Variants in FAM110B observed in about 807,000 individuals in gnomAD.
FAM110B encodes protein FAM110B.
In FAM110B, 6 loss-of-function variants were observed where a neutral mutation model predicts 20.4. That is an observed-to-expected ratio of 0.29 (90% confidence interval 0.16 to 0.58). The LOEUF is 0.58. Among genes scored for constraint, FAM110B ranks in the 20% least tolerant of loss-of-function variants. The probability of loss-of-function intolerance (pLI) is 0.90; values close to 1 mark genes in which losing one functional copy is unlikely to be tolerated. For missense variants in FAM110B, 434 were observed against 498.2 expected (o/e 0.87, Z 1.23); for synonymous variants, 226 against 214.1 (o/e 1.06, Z -0.49).
chr8:58,066,111 G>T (rs565734524), intron 2 of FAM110B, among the ~76,000 whole-genome samples: 2 of 152,056 alleles, frequency 1.3e-5, no homozygotes, highest in African/African-American at 4.8e-5. Context: ...GTAGTACCCC[G>T]CCCCCTTCAC....
At chr8:57,995,185 A>C (rs1246770230) in intron 1 of FAM110B, among the ~76,000 whole-genome samples, 1 of 152,046 alleles carries the variant, frequency 6.6e-6, no homozygotes, top group East Asian at 1.9e-4. Flanking sequence ...TGCGGAGCGG[A>C]GGTGGGCTCC....
intron 1 of FAM110B, among the ~76,000 whole-genome samples, chr8:58,003,257 A>C (rs1223808211): frequency 4.6e-5 from 7 of 152,092 alleles, no homozygotes; most frequent in Non-Finnish European, 8.8e-5. Context: ...TTGTAACTCT[A>C]GTTCTCTTGC....
chr8:58,015,098 G>A (rs1355653892), intron 1 of FAM110B, among the ~76,000 whole-genome samples: 1 of 152,238 alleles, frequency 6.6e-6, no homozygotes, highest in Non-Finnish European at 1.5e-5. Context: ...GCTCACGCCT[G>A]TAATCCCAGC....
At chr8:58,106,390 CAT>C (rs771782319) in intron 3 of FAM110B, 7 of 151,974 alleles carry the variant, frequency 4.6e-5, no homozygotes, top group East Asian at 1.9e-4. Context: ...AGTGATAACT[CAT>C]GTGGAATTTT....
intron 3 of FAM110B, among the ~76,000 whole-genome samples, chr8:58,085,199 A>G (rs1806302801): frequency 6.6e-6 from 1 of 152,178 alleles, no homozygotes; most frequent in African/African-American, 2.4e-5. Context: ...CCTTTAATCA[A>G]CTGAAGAGTC....
At chr8:58,050,595 G>A (rs1805419370) in intron 2 of FAM110B, among the ~76,000 whole-genome samples, 1 of 152,214 alleles carries the variant, frequency 6.6e-6, no homozygotes, top group Admixed American at 6.5e-5. Flanking sequence ...TTTGTTTGCT[G>A]TGGGCCTTCT....
At chr8:58,038,305 A>G (rs4524776) in intron 2 of FAM110B, among the ~76,000 whole-genome samples, 29,614 of 152,130 alleles carry the variant, frequency 0.19, 4,113 homozygotes, top group African/African-American at 0.39. Context: ...GAGCTGTGTT[A>G]TATTTTGCAT....
At chr8:58,043,814 C>A (rs910361644) in intron 2 of FAM110B, among the ~76,000 whole-genome samples, 1 of 152,110 alleles carries the variant, frequency 6.6e-6, no homozygotes, top group Non-Finnish European at 1.5e-5. Context: ...TGTTATTATG[C>A]CATTTTATAG....
At chr8:58,072,508 C>G (rs781471805) in intron 2 of FAM110B, among the ~76,000 whole-genome samples, 16 of 147,254 alleles carry the variant, frequency 1.1e-4, no homozygotes, top group Middle Eastern at 3.5e-3. Flanking sequence ...GCAAAGTAAC[C>G]AAAATATGTG....
At chr8:58,109,740 T>G (rs931190792) in intron 3 of FAM110B, among the ~76,000 whole-genome samples, 2 of 152,180 alleles carry the variant, frequency 1.3e-5, no homozygotes, top group African/African-American at 2.4e-5. Context: ...GCATCCCCAG[T>G]GACATCGGAA....
chr8:58,129,882 T>C (rs984127588), intron 3 of FAM110B, among the ~76,000 whole-genome samples: 1 of 152,330 alleles, frequency 6.6e-6, no homozygotes, highest in Admixed American at 6.5e-5. Context: ...AATCTACTTA[T>C]CAAAAACATT....
intron 2 of FAM110B, among the ~76,000 whole-genome samples, chr8:58,051,065 A>G (rs1585843417): frequency 1.3e-5 from 2 of 152,288 alleles, no homozygotes; most frequent in South Asian, 4.1e-4. Context: ...CTTAATTTAC[A>G]GTCAGTAGGG....
intron 2 of FAM110B, among the ~76,000 whole-genome samples, chr8:58,057,364 C>G: frequency 6.6e-6 from 1 of 152,234 alleles, no homozygotes; most frequent in East Asian, 1.9e-4. Flanking sequence ...TGCACAAACA[C>G]AGGGCACATT....
chr8:58,103,533 C>G (rs949591875), intron 3 of FAM110B, among the ~76,000 whole-genome samples: 5 of 152,128 alleles, frequency 3.3e-5, no homozygotes, highest in African/African-American at 7.2e-5. Context: ...TATAAGCAAA[C>G]ATTCATGTCC....
At chr8:58,064,607 T>C (rs1322060780) in intron 2 of FAM110B, among the ~76,000 whole-genome samples, 1 of 152,192 alleles carries the variant, frequency 6.6e-6, no homozygotes, top group Non-Finnish European at 1.5e-5. Context: ...TCTAGTATCA[T>C]CTATCCCTTG....
At chr8:58,130,276 TGTTTTCTCCA>T (rs1217004556) in intron 3 of FAM110B, among the ~76,000 whole-genome samples, 8 of 152,246 alleles carry the variant, frequency 5.3e-5, no homozygotes, top group Non-Finnish European at 1.0e-4. Context: ...CATCTGATAA[TGTTTTCTCCA>T]GTTCGTTAAA....
At chr8:58,116,626 C>T (rs781196569) in intron 3 of FAM110B, among the ~76,000 whole-genome samples, 15 of 152,140 alleles carry the variant, frequency 9.9e-5, no homozygotes, top group African/African-American at 1.7e-4. Context: ...AGATATATTT[C>T]GTAATACTTT....
chr8:58,088,848 C>T (rs1806401692), intron 3 of FAM110B, among the ~76,000 whole-genome samples: 3 of 152,238 alleles, frequency 2.0e-5, no homozygotes, highest in Non-Finnish European at 2.9e-5. Context: ...TGTACACCAA[C>T]TTGCTGCCTT....
intron 3 of FAM110B, among the ~76,000 whole-genome samples, chr8:58,094,233 C>G (rs574740233): frequency 3.3e-5 from 5 of 152,226 alleles, no homozygotes; most frequent in African/African-American, 1.2e-4. Flanking sequence ...ATTTCAATAC[C>G]CTTTATTTCT....
Sources: allele counts gnomAD v4.1 joint callset (sites outside exome capture counted in the v4.1 genomes callset), GRCh38; gene constraint gnomAD v4.1.1; transcripts MANE v1.5; gene names NCBI Gene and HGNC (gene_info 2026-07-23, HGNC 2026-07-21).